The following IMMP2L variants were observed in gnomAD, a reference collection of about 807,000 sequenced individuals.
The protein encoded by IMMP2L is mitochondrial inner membrane protease subunit 2.
A neutral mutation model predicts 19.3 loss-of-function variants in IMMP2L; 18 were observed. The observed-to-expected ratio is 0.93, with a 90% CI of 0.64 to 1.38. The LOEUF is 1.38. Ranked by LOEUF, IMMP2L falls within the 40% of genes most tolerant of loss-of-function variation. The probability of loss-of-function intolerance (pLI) is 0.00; values close to 1 mark genes in which losing one functional copy is unlikely to be tolerated. For missense variants in IMMP2L, 233 were observed against 218.2 expected (o/e 1.07, Z -0.43); for synonymous variants, 76 against 73.0 (o/e 1.04, Z -0.21).
At chr7:111,485,637 T>C (rs1842594133) in intron 3 of IMMP2L, among the ~76,000 whole-genome samples, 1 of 134,616 alleles carries the variant, frequency 7.4e-6, no homozygotes, top group African/African-American at 2.7e-5. Context: ...ACAGTTCAAC[T>C]GGAATAGCTA....
At chr7:111,519,752 T>A (rs1345550492) in intron 2 of IMMP2L, among the ~76,000 whole-genome samples, 2 of 152,076 alleles carry the variant, frequency 1.3e-5, no homozygotes, top group East Asian at 3.9e-4. Flanking sequence ...TGGGATATTA[T>A]GATTGCCACA....
In IMMP2L at chr7:110,783,351, A is replaced by G. The variant is rs535518120; in HGVS notation, c.408+103242T>C. Among the ~76,000 whole-genome samples, 8 of 151,958 alleles carry G rather than the reference A, an allele frequency of 5.3e-5. No individual in the cohort carries two copies. The South Asian group carries it at 8.3e-4, about 16-fold the overall frequency. On this transcript the variant is annotated intron_variant, in intron 5 of 5. Coordinates refer to ENST00000405709, the MANE Select transcript of IMMP2L (RefSeq NM_032549.4). ...ATGAGGAAACTAAAGGTCAGCAAAA[A>G]TAATTTACTTGTCTGAGGTCACAGA...
At chr7:111,307,364 A>C (rs1013822913) in intron 3 of IMMP2L, among the ~76,000 whole-genome samples, 2 of 151,646 alleles carry the variant, frequency 1.3e-5, no homozygotes, top group African/African-American at 4.8e-5. Flanking sequence ...CTAAGTTTTG[A>C]TTTTTGGTTC....
chr7:111,373,168 G>A (rs1462906072), intron 3 of IMMP2L, among the ~76,000 whole-genome samples: 1 of 151,240 alleles, frequency 6.6e-6, no homozygotes, highest in Non-Finnish European at 1.5e-5. Flanking sequence ...CTCCCACAGG[G>A]TAGTTGTTAA....
chr7:110,804,339 C>G (rs909156825), intron 5 of IMMP2L, among the ~76,000 whole-genome samples: 2 of 152,034 alleles, frequency 1.3e-5, no homozygotes, highest in African/African-American at 4.8e-5. Context: ...AAGTTCATAT[C>G]ATAATGTACT....
intron 3 of IMMP2L, among the ~76,000 whole-genome samples, chr7:111,187,954 T>C (rs1808455018): frequency 6.6e-6 from 1 of 151,846 alleles, no homozygotes; most frequent in Non-Finnish European, 1.5e-5. Flanking sequence ...AAAGGGAAAA[T>C]GGATTTTTTG....
intron 3 of IMMP2L, among the ~76,000 whole-genome samples, chr7:111,305,390 G>A (rs188919891): frequency 4.9e-4 from 75 of 151,598 alleles, no homozygotes; most frequent in Admixed American, 2.0e-3. Context: ...GTGCAGTGGC[G>A]CGATCTCAGC....
chr7:111,366,444 T>C (rs1359805108), intron 3 of IMMP2L, among the ~76,000 whole-genome samples: 1 of 150,956 alleles, frequency 6.6e-6, no homozygotes, highest in Non-Finnish European at 1.5e-5. Context: ...AGATTAAAGA[T>C]TAAAAGAGAT....
chr7:111,056,523 C>T (rs1015487198), intron 3 of IMMP2L, among the ~76,000 whole-genome samples: 71 of 152,196 alleles, frequency 4.7e-4, no homozygotes, highest in Admixed American at 2.8e-3. Flanking sequence ...AAAGCCCTTT[C>T]GTAATAATTA....
intron 3 of IMMP2L, among the ~76,000 whole-genome samples, chr7:111,405,221 T>C (rs1833809629): frequency 6.6e-6 from 1 of 152,080 alleles, no homozygotes; most frequent in African/African-American, 2.4e-5. Context: ...TCTCAAGAAA[T>C]GGAAATACTC....
At chr7:110,807,403 T>C (rs556508922) in intron 5 of IMMP2L, among the ~76,000 whole-genome samples, 168 of 152,070 alleles carry the variant, frequency 1.1e-3, no homozygotes, top group African/African-American at 3.9e-3. Flanking sequence ...ACAAGAAATC[T>C]CATTGTGCTT....
At chr7:111,445,928 G>A (rs937853614) in intron 3 of IMMP2L, among the ~76,000 whole-genome samples, 6 of 152,180 alleles carry the variant, frequency 3.9e-5, no homozygotes, top group South Asian at 4.1e-4. Flanking sequence ...CCCTTTCCTA[G>A]TCAAAGAAAG....
chr7:111,339,587 C>G (rs1468847671), intron 3 of IMMP2L, among the ~76,000 whole-genome samples: 1 of 151,800 alleles, frequency 6.6e-6, no homozygotes, highest in Non-Finnish European at 1.5e-5. Context: ...GAAATAGTGA[C>G]TGAAAAAACT....
At chr7:111,418,651 T>G (rs1835175279) in intron 3 of IMMP2L, among the ~76,000 whole-genome samples, 2 of 151,972 alleles carry the variant, frequency 1.3e-5, no homozygotes, top group South Asian at 2.1e-4. Flanking sequence ...CATGGTTATT[T>G]AAACCACTAA....
intron 3 of IMMP2L, among the ~76,000 whole-genome samples, chr7:111,096,725 G>C (rs1323288919): frequency 6.6e-6 from 1 of 151,844 alleles, no homozygotes; most frequent in Admixed American, 6.6e-5. Context: ...AGTCTCCAAA[G>C]TCACTTAAGA....
intron 4 of IMMP2L, among the ~76,000 whole-genome samples, chr7:110,900,392 A>G (rs967094031): frequency 6.6e-6 from 1 of 152,206 alleles, no homozygotes; most frequent in African/African-American, 2.4e-5. Flanking sequence ...TTATATCTGA[A>G]GAACAACAAT....
At chr7:111,076,362 T>A (rs566280232) in intron 3 of IMMP2L, among the ~76,000 whole-genome samples, 1 of 152,334 alleles carries the variant, frequency 6.6e-6, no homozygotes, top group Admixed American at 6.5e-5. Flanking sequence ...ACTGCTGACA[T>A]TGAAAGCTGT....
intron 5 of IMMP2L, among the ~76,000 whole-genome samples, chr7:110,841,807 A>G (rs1466743015): frequency 6.6e-6 from 1 of 152,212 alleles, no homozygotes; most frequent in Non-Finnish European, 1.5e-5. Context: ...GTAAAGATCA[A>G]TGACTACATT....
intron 5 of IMMP2L, among the ~76,000 whole-genome samples, chr7:110,813,207 C>T (rs1034557639): frequency 2.0e-5 from 3 of 151,954 alleles, no homozygotes; most frequent in Non-Finnish European, 2.9e-5. Context: ...TATTTTTATA[C>T]TTTATTCAAT....
Sources: gnomAD v4.1 joint callset for allele counts (sites outside exome capture counted in the v4.1 genomes callset) on GRCh38, gnomAD v4.1.1 for gene constraint, MANE v1.5 for transcripts, NCBI Gene and HGNC (gene_info 2026-07-23, HGNC 2026-07-21) for gene names.